The following PPP1R9A variants were observed in gnomAD, a reference collection of about 807,000 sequenced individuals.
PPP1R9A encodes neurabin-1.
Under a neutral mutation model 141.9 loss-of-function variants are expected in PPP1R9A, and 59 were observed. The observed-to-expected ratio is 0.42, with a 90% confidence interval of 0.34 to 0.52. The LOEUF (loss-of-function observed/expected upper bound fraction) is 0.52, where lower values mean the gene tolerates loss of function less well. Ranked by LOEUF, PPP1R9A falls within the 20% of genes least tolerant of loss-of-function variation. The probability of loss-of-function intolerance (pLI) is 0.10; values close to 1 mark genes in which losing one functional copy is unlikely to be tolerated. For synonymous variants in PPP1R9A, 500 were observed against 569.7 expected (o/e 0.88, Z 1.74); for missense variants, 1,444 against 1,611.9 (o/e 0.90, Z 1.78).
intron 5 of PPP1R9A, among the ~76,000 whole-genome samples, chr7:95,169,250 C>T (rs1183975294): frequency 6.6e-6 from 1 of 151,796 alleles, no homozygotes; most frequent in Non-Finnish European, 1.5e-5. Context: ...TGGATGGGAA[C>T]TGGAGGTCAT....
chr7:95,004,214 C>T (rs535608696), intron 2 of PPP1R9A, among the ~76,000 whole-genome samples: 2 of 152,166 alleles, frequency 1.3e-5, no homozygotes, highest in East Asian at 3.9e-4. Context: ...TGGAGCAGAT[C>T]TGTGCATCAC....
chr7:95,102,050 C>T (rs1290696128), intron 2 of PPP1R9A, among the ~76,000 whole-genome samples: 3 of 152,116 alleles, frequency 2.0e-5, no homozygotes, highest in African/African-American at 7.2e-5. Flanking sequence ...GGGGTTTCAG[C>T]TGCCTTGCTG....
intron 2 of PPP1R9A, among the ~76,000 whole-genome samples, chr7:95,065,120 C>T (rs1812771514): frequency 6.6e-6 from 1 of 152,082 alleles, no homozygotes; most frequent in Non-Finnish European, 1.5e-5. Context: ...GGCTAGAGTG[C>T]AGTGGCATGC....
chr7:95,098,192 A>C (rs1432688205), intron 2 of PPP1R9A: 1 of 152,172 alleles, frequency 6.6e-6, no homozygotes, highest in Non-Finnish European at 1.5e-5. Context: ...TGGGAATTGT[A>C]GCCTAGTCAT....
At chr7:94,985,593 C>G (rs1292429883) in intron 2 of PPP1R9A, among the ~76,000 whole-genome samples, 1 of 152,022 alleles carries the variant, frequency 6.6e-6, no homozygotes, top group African/African-American at 2.4e-5. Context: ...TTCTTTGTTT[C>G]TTTTGATCTT....
At chr7:94,928,758 T>C (rs1396696480) in intron 2 of PPP1R9A, among the ~76,000 whole-genome samples, 3 of 152,322 alleles carry the variant, frequency 2.0e-5, no homozygotes, top group Non-Finnish European at 4.4e-5. Context: ...AAATGTAAAT[T>C]GAATTCTTTG....
At chr7:95,004,957 C>T (rs1803398329) in intron 2 of PPP1R9A, among the ~76,000 whole-genome samples, 1 of 152,110 alleles carries the variant, frequency 6.6e-6, no homozygotes, top group Admixed American at 6.6e-5. Context: ...ATATATTTTT[C>T]TCTTGCTGAC....
chr7:95,166,960 G>A (rs1233895281), intron 5 of PPP1R9A, among the ~76,000 whole-genome samples: 1 of 152,096 alleles, frequency 6.6e-6, no homozygotes, highest in Non-Finnish European at 1.5e-5. Context: ...ATAAAATTCA[G>A]TATCCCTTCA....
chr7:94,908,600 T>G (rs1271445184), intron 1 of PPP1R9A: 1 of 151,962 alleles, frequency 6.6e-6, no homozygotes, highest in Non-Finnish European at 1.5e-5. Flanking sequence ...CTCAAGTTGG[T>G]GTTATTTATG....
intron 2 of PPP1R9A, among the ~76,000 whole-genome samples, chr7:95,057,328 AGG>A (rs1393293552): frequency 6.6e-6 from 1 of 152,110 alleles, no homozygotes; most frequent in African/African-American, 2.4e-5. Flanking sequence ...AGAAAAGAAA[AGG>A]GGGAAAATTT....
intron 2 of PPP1R9A, among the ~76,000 whole-genome samples, chr7:94,982,619 T>A (rs555334370): frequency 6.6e-6 from 1 of 152,362 alleles, no homozygotes; most frequent in Admixed American, 6.5e-5. Flanking sequence ...TGCATAAATG[T>A]CTTCTTTTGA....
chr7:94,912,203 T>TAAA (rs1185681823), intron 2 of PPP1R9A, among the ~76,000 whole-genome samples: 1 of 152,228 alleles, frequency 6.6e-6, no homozygotes, highest in Non-Finnish European at 1.5e-5. Flanking sequence ...TTTTACCTCT[T>TAAA]AAAAACTGGA....
At chr7:95,034,048 T>G (rs1584373288) in intron 2 of PPP1R9A, among the ~76,000 whole-genome samples, 1 of 152,290 alleles carries the variant, frequency 6.6e-6, no homozygotes, top group East Asian at 1.9e-4. Flanking sequence ...CCACAGAAAC[T>G]TTTTTGTGAA....
intron 16 of PPP1R9A, among the ~76,000 whole-genome samples, chr7:95,279,046 G>A (rs1168580522): frequency 1.3e-5 from 2 of 152,136 alleles, no homozygotes; most frequent in African/African-American, 2.4e-5. Flanking sequence ...TATTAAAGCA[G>A]GTTTGATGGG....
chr7:94,997,457 C>G (rs1247855319), intron 2 of PPP1R9A, among the ~76,000 whole-genome samples: 3 of 152,026 alleles, frequency 2.0e-5, no homozygotes, highest in Non-Finnish European at 2.9e-5. Flanking sequence ...TTTTTTGAGG[C>G]TTTTATCAAA....
At chr7:95,059,473 G>A (rs1371323701) in intron 2 of PPP1R9A, among the ~76,000 whole-genome samples, 4 of 152,214 alleles carry the variant, frequency 2.6e-5, no homozygotes, top group African/African-American at 7.2e-5. Context: ...GTAGTAATAG[G>A]TTGAAGTTTC....
intron 7 of PPP1R9A, among the ~76,000 whole-genome samples, chr7:95,206,368 A>G (rs1790794474): frequency 6.6e-6 from 1 of 152,166 alleles, no homozygotes; most frequent in Non-Finnish European, 1.5e-5. Flanking sequence ...GGATTTATTG[A>G]GATAAATTTG....
chr7:95,052,139 C>G (rs1388116817), intron 2 of PPP1R9A, among the ~76,000 whole-genome samples: 1 of 152,008 alleles, frequency 6.6e-6, no homozygotes, highest in East Asian at 1.9e-4. Flanking sequence ...TGTGCCTGGC[C>G]CAGATGAATT....
intron 8 of PPP1R9A, among the ~76,000 whole-genome samples, chr7:95,241,607 T>C (rs1797477731): frequency 6.6e-6 from 1 of 152,086 alleles, no homozygotes; most frequent in East Asian, 1.9e-4. Flanking sequence ...CAGGTACCAT[T>C]TAAAGTGACT....
Sources: gnomAD v4.1 joint callset for allele counts (sites outside exome capture counted in the v4.1 genomes callset) on GRCh38, gnomAD v4.1.1 for gene constraint, MANE v1.5 for transcripts, NCBI Gene and HGNC (gene_info 2026-07-23, HGNC 2026-07-21) for gene names.